Variants in NEK1 observed in about 807,000 individuals in gnomAD.
The protein encoded by NEK1 is serine/threonine-protein kinase Nek1.
A neutral mutation model predicts 182.1 loss-of-function variants in NEK1; 137 were observed. That is an observed-to-expected ratio of 0.75 (90% CI 0.65 to 0.87). The LOEUF (loss-of-function observed/expected upper bound fraction) is 0.87. Ranked by LOEUF, NEK1 falls within the 40% of genes least tolerant of loss-of-function variation. The pLI, the probability that NEK1 is intolerant of heterozygous loss-of-function variation, is 0.00. For synonymous variants in NEK1, 513 were observed against 492.2 expected (o/e 1.04, Z -0.56); for missense variants, 1,391 against 1,494.4 (o/e 0.93, Z 1.14).
intron 5 of NEK1, among the ~76,000 whole-genome samples, chr4:169,597,469 A>C (rs907983342): frequency 1.3e-5 from 2 of 152,086 alleles, no homozygotes; most frequent in Non-Finnish European, 2.9e-5. Context: ...AATAATAATA[A>C]AATAAATTTT....
intron 29 of NEK1, among the ~76,000 whole-genome samples, chr4:169,428,835 T>A (rs1417839291): frequency 1.3e-5 from 2 of 152,224 alleles, no homozygotes; most frequent in African/African-American, 4.8e-5. Context: ...TTCCTTTAAA[T>A]TTACATGCTA....
intron 5 of NEK1, 148 bp downstream of exon 5, chr4:169,598,952 G>A (rs1263393960): frequency 1.1e-5 from 7 of 618,222 alleles, no homozygotes; most frequent in Non-Finnish European, 1.7e-5. Context: ...CAGCTAATTA[G>A]AGGTAAATAT....
At chr4:169,485,152 A>G (rs1296533405) in intron 23 of NEK1, among the ~76,000 whole-genome samples, 2 of 152,246 alleles carry the variant, frequency 1.3e-5, no homozygotes, top group South Asian at 2.1e-4. Context: ...AGCAGCCTTC[A>G]GTAAATGCTT....
intron 29 of NEK1, among the ~76,000 whole-genome samples, chr4:169,429,567 G>A (rs1337605865): frequency 1.3e-5 from 2 of 150,174 alleles, no homozygotes; most frequent in Admixed American, 1.3e-4. Flanking sequence ...ACAATCAGTG[G>A]AAAATACATC....
At chr4:169,551,879 G>A (rs1442532614) in intron 18 of NEK1, among the ~76,000 whole-genome samples, 28 of 152,054 alleles carry the variant, frequency 1.8e-4, no homozygotes, top group Non-Finnish European at 2.9e-5. Flanking sequence ...GTATGAACAG[G>A]TGACTGAGAA....
Position 169,438,143 on chromosome 4 carries a change from T to C in NEK1, c.2704A>G (p.Ser902Gly). The change falls in exon 28 of 36, where the codon AGT becomes GGT. Residue 902 changes from serine (S) to glycine (G), a missense_variant. Coordinates refer to ENST00000507142, the MANE Select transcript of NEK1 (RefSeq NM_001199397.3). ...AIVDSPVETK[S>G]PEFSEASPQM... is the part of the protein sequence containing the mutation. ...GGAGATGCCTCACTGAACTCGGGAC[T>C]TTTTGTCTCAACAGGAGAATCAACA... The C allele has an allele frequency of 6.2e-7, 1 of 1,611,458 alleles. No individual in the cohort carries two copies. The highest frequency in any genetic ancestry group is 8.5e-7 in the Non-Finnish European group (1 of 1,178,724).
intron 29 of NEK1, among the ~76,000 whole-genome samples, chr4:169,430,528 C>T (rs776466104): frequency 6.6e-6 from 1 of 152,104 alleles, no homozygotes; most frequent in Non-Finnish European, 1.5e-5. Context: ...TACTATATAA[C>T]TAGATGACAT....
At chr4:169,443,792 T>C (rs1018264320) in intron 27 of NEK1, among the ~76,000 whole-genome samples, 3 of 152,092 alleles carry the variant, frequency 2.0e-5, no homozygotes, top group African/African-American at 4.8e-5. Context: ...TCAAATTACA[T>C]ATAAGGGCAC....
At chr4:169,502,766 C>A (rs1257927700) in intron 23 of NEK1, among the ~76,000 whole-genome samples, 1 of 152,108 alleles carries the variant, frequency 6.6e-6, no homozygotes, top group Non-Finnish European at 1.5e-5. Flanking sequence ...AAACCCACAG[C>A]CAACATCATG....
intron 27 of NEK1, among the ~76,000 whole-genome samples, chr4:169,439,554 G>A (rs1053520090): frequency 1.3e-5 from 2 of 152,008 alleles, no homozygotes; most frequent in African/African-American, 4.8e-5. Flanking sequence ...CTACCATTCT[G>A]CAATAAAATC....
chr4:169,552,498 T>C (rs965127426), intron 18 of NEK1, among the ~76,000 whole-genome samples: 6 of 152,098 alleles, frequency 3.9e-5, no homozygotes, highest in South Asian at 2.1e-4. Flanking sequence ...ACATATTTAA[T>C]GGAAACTTGA....
chr4:169,453,110 G>A (rs1037516578), intron 27 of NEK1, among the ~76,000 whole-genome samples: 2 of 152,186 alleles, frequency 1.3e-5, no homozygotes, highest in Admixed American at 6.5e-5. Flanking sequence ...TACAAGGGAT[G>A]TGAAGGACAT....
intron 27 of NEK1, among the ~76,000 whole-genome samples, chr4:169,457,853 C>T (rs1237704997): frequency 1.3e-5 from 2 of 151,566 alleles, no homozygotes; most frequent in East Asian, 1.9e-4. Context: ...AAAAAAAGAC[C>T]GGAAGCTACA....
intron 12 of NEK1, among the ~76,000 whole-genome samples, chr4:169,569,809 G>T (rs567932522): frequency 8.5e-5 from 13 of 152,310 alleles, no homozygotes; most frequent in Admixed American, 4.6e-4. Flanking sequence ...TGGTGCCCAG[G>T]CTGGAGTGCA....
intron 27 of NEK1, among the ~76,000 whole-genome samples, chr4:169,443,206 C>T (rs1219352415): frequency 6.6e-6 from 1 of 151,976 alleles, no homozygotes; most frequent in Non-Finnish European, 1.5e-5. Flanking sequence ...GTCCCATCTA[C>T]TTGGGAGGCT....
chr4:169,469,086 T>G (rs567229343), intron 26 of NEK1, among the ~76,000 whole-genome samples: 1 of 152,360 alleles, frequency 6.6e-6, no homozygotes, highest in South Asian at 2.1e-4. Context: ...CACTGATTTT[T>G]TTTTGAAGGG....
Position 169,433,593 on chromosome 4 carries a change from G to A in NEK1, c.2837C>T (p.Thr946Ile), listed in dbSNP as rs761566146. The A allele has an allele frequency of 6.8e-6, 11 of 1,613,210 alleles. 1 individual carries two copies. The South Asian group carries it at 1.1e-4, about 16-fold the overall frequency. ...GTNKDESLPC[T>I]ITDVWISEEK... is the part of the protein sequence containing the mutation. ...CTCACTAATCCACACATCAGTAATAGTGCATGGCAAGCTCTCATCTTTGTT... is the reference window on the plus strand; with the variant it reads ...CTCACTAATCCACACATCAGTAATAATGCATGGCAAGCTCTCATCTTTGTT... The change falls in exon 29 of 36, where the codon ACT (threonine) becomes ATT (isoleucine). Residue 946 changes from threonine to isoleucine, a missense_variant. Thr to Ile is a moderately conservative substitution (Grantham distance 89). Around this residue, in one of 5 missense-constraint regions of NEK1, gnomAD observed 1,216 missense variants for 1,277.6 expected, o/e 0.95. Transcript: ENST00000507142.
chr4:169,470,925 C>T (rs1187352456), intron 26 of NEK1, among the ~76,000 whole-genome samples: 1 of 152,118 alleles, frequency 6.6e-6, no homozygotes, highest in Non-Finnish European at 1.5e-5. Flanking sequence ...GCTATTGATA[C>T]TTGTGTATGC....
chr4:169,445,867 C>CATATATATATATATAT (rs1561200521), intron 27 of NEK1, among the ~76,000 whole-genome samples: 2 of 76,092 alleles, frequency 2.6e-5, no homozygotes, highest in African/African-American at 6.7e-5. Context: ...TATATATATA[C>CATATATATATATATAT]ACACACACAC....
Sources: allele counts gnomAD v4.1 joint callset (sites outside exome capture counted in the v4.1 genomes callset), GRCh38; gene constraint gnomAD v4.1.1; regional missense constraint gnomAD v4.1.1; transcripts MANE v1.5; gene names NCBI Gene and HGNC (gene_info 2026-07-23, HGNC 2026-07-21).